NELL1: variants seen among roughly 807,000 people sequenced by gnomAD.
NELL1 encodes the protein protein kinase C-binding protein NELL1.
In NELL1, 76 loss-of-function variants were observed where a neutral mutation model predicts 107.4. That is an observed-to-expected ratio of 0.71 (90% CI 0.59 to 0.86). The LOEUF is 0.86. Among genes scored for constraint, NELL1 ranks in the 40% least tolerant of loss-of-function variants. The probability of loss-of-function intolerance (pLI) is 0.00; values close to 1 mark genes in which losing one functional copy is unlikely to be tolerated. For missense variants in NELL1, 1,024 were observed against 1,005.5 expected (o/e 1.02, Z -0.25); for synonymous variants, 353 against 341.2 (o/e 1.03, Z -0.38).
chr11:21,407,672 A>G (rs1852267891), intron 15 of NELL1, among the ~76,000 whole-genome samples: 2 of 149,058 alleles, frequency 1.3e-5, no homozygotes, highest in African/African-American at 2.5e-5. Context: ...TCAATACCTT[A>G]TCTAGTATCT....
intron 13 of NELL1, among the ~76,000 whole-genome samples, chr11:21,151,369 G>A (rs905321355): frequency 6.6e-6 from 1 of 152,100 alleles, no homozygotes; most frequent in Non-Finnish European, 1.5e-5. Flanking sequence ...GCATCCCAGG[G>A]ACTTCTGATC....
intron 2 of NELL1, among the ~76,000 whole-genome samples, chr11:20,706,342 A>G (rs1235177927): frequency 3.9e-5 from 6 of 152,200 alleles, no homozygotes; most frequent in Admixed American, 3.9e-4. Flanking sequence ...GCAGCCATAA[A>G]AAATGATGAG....
chr11:21,367,261 TACACACACACACAC>T (rs72275889), intron 14 of NELL1, among the ~76,000 whole-genome samples: 71 of 145,236 alleles, frequency 4.9e-4, no homozygotes, highest in African/African-American at 1.2e-3. Flanking sequence ...TTTATCTTAC[TACACACACACACAC>T]ACACACACAC....
chr11:21,443,695 C>A (rs1471939640), intron 15 of NELL1, among the ~76,000 whole-genome samples: 2 of 151,682 alleles, frequency 1.3e-5, no homozygotes, highest in African/African-American at 4.8e-5. Flanking sequence ...CGAGATCAGC[C>A]TGACCACTTG....
At chr11:21,525,080 G>A (rs1407002732) in intron 15 of NELL1, among the ~76,000 whole-genome samples, 1 of 152,174 alleles carries the variant, frequency 6.6e-6, no homozygotes, top group African/African-American at 2.4e-5. Flanking sequence ...CAGAATAAAG[G>A]TGAGAGTTGA....
chr11:20,685,065 T>C (rs1474746869), intron 2 of NELL1, among the ~76,000 whole-genome samples: 1 of 152,014 alleles, frequency 6.6e-6, no homozygotes, highest in Non-Finnish European at 1.5e-5. Context: ...TCTTCTCTTG[T>C]GTATACTGTC....
rs114478871 is a variant in NELL1, at chr11:20,990,117, G to C, written c.1300+29557G>C. Among the ~76,000 whole-genome samples the C allele has an allele frequency of 3.6e-3, 551 of 152,246 alleles. 4 individuals are homozygous for C. The highest frequency in any genetic ancestry group is 0.012 in the African/African-American group (512 of 41,550). On this transcript the variant is annotated intron_variant, in intron 12 of 19. Transcript: ENST00000357134. ...GCTTTGGCCTGAGGGCTTGCAATAT[G>C]GGGGGAGTACAGTTTGGTTTTTCAG...
intron 12 of NELL1, among the ~76,000 whole-genome samples, chr11:21,010,661 A>C (rs1466310993): frequency 6.6e-6 from 1 of 152,154 alleles, no homozygotes; most frequent in Admixed American, 6.6e-5. Context: ...GCCTAGAACT[A>C]TACACCTTAA....
At chr11:21,061,079 G>T (rs1446993326) in intron 12 of NELL1, among the ~76,000 whole-genome samples, 2 of 152,124 alleles carry the variant, frequency 1.3e-5, no homozygotes, top group Non-Finnish European at 2.9e-5. Flanking sequence ...ATATTGCAAA[G>T]CCTAACAACC....
In NELL1 at chr11:21,522,700, A is replaced by T. The variant is rs185000703; in HGVS notation, c.1646-11674A>T. Among the ~76,000 whole-genome samples, 264 of 152,272 alleles carry T rather than the reference A, an allele frequency of 1.7e-3. 2 individuals carry two copies. Among genetic ancestry groups the T allele is most frequent in the African/African-American group, 6.1e-3 (254 of 41,558 alleles). On this transcript the variant is annotated intron_variant, in intron 15 of 19. Transcript: ENST00000357134. ...GGTAACAAAGTTATACTTGTACCCC[A>T]TAAATTTATACAAAGAAAATTTTCA...
intron 15 of NELL1, among the ~76,000 whole-genome samples, chr11:21,517,191 G>C (rs967800157): frequency 3.9e-5 from 6 of 152,074 alleles, no homozygotes; most frequent in African/African-American, 1.4e-4. Flanking sequence ...CTCTCTCATG[G>C]GGACCTCAAC....
intron 15 of NELL1, among the ~76,000 whole-genome samples, chr11:21,428,125 T>C (rs1852875990): frequency 6.6e-6 from 1 of 152,156 alleles, no homozygotes; most frequent in Non-Finnish European, 1.5e-5. Context: ...GTAGGGAATG[T>C]CAATCAGCTG....
intron 14 of NELL1, among the ~76,000 whole-genome samples, chr11:21,307,416 G>T (rs998386889): frequency 2.0e-5 from 3 of 151,616 alleles, no homozygotes; most frequent in African/African-American, 7.3e-5. Context: ...GAAAAAAAGG[G>T]CAATTTCTTC....
At chr11:21,088,958 TAA>T (rs1854461908) in intron 12 of NELL1, among the ~76,000 whole-genome samples, 1 of 152,176 alleles carries the variant, frequency 6.6e-6, no homozygotes, top group Admixed American at 6.5e-5. Flanking sequence ...ATGTGAATTT[TAA>T]GAGAGGCTAG....
At chr11:21,201,204 C>G (rs1436302011) in intron 13 of NELL1, among the ~76,000 whole-genome samples, 1 of 152,160 alleles carries the variant, frequency 6.6e-6, no homozygotes, top group African/African-American at 2.4e-5. Context: ...AGCACTGAAT[C>G]TATAAATTAC....
intron 12 of NELL1, among the ~76,000 whole-genome samples, chr11:21,042,436 A>G (rs534652979): frequency 6.6e-6 from 1 of 152,310 alleles, no homozygotes; most frequent in African/African-American, 2.4e-5. Flanking sequence ...GCAACAGGAC[A>G]AGGGGCTAAG....
At chr11:20,879,827 A>C (rs1254458440) in intron 4 of NELL1, among the ~76,000 whole-genome samples, 1 of 152,230 alleles carries the variant, frequency 6.6e-6, no homozygotes, top group Non-Finnish European at 1.5e-5. Flanking sequence ...AAAGTTTACG[A>C]TTTATGGCCA....
At chr11:21,017,348 T>C (rs1852588964) in intron 12 of NELL1, among the ~76,000 whole-genome samples, 1 of 152,114 alleles carries the variant, frequency 6.6e-6, no homozygotes, top group Non-Finnish European at 1.5e-5. Context: ...CTTAAAACTT[T>C]TAGAGGCTTG....
At chr11:21,506,059 TA>T (rs1215867459) in intron 15 of NELL1, among the ~76,000 whole-genome samples, 1 of 152,188 alleles carries the variant, frequency 6.6e-6, no homozygotes, top group East Asian at 1.9e-4. Context: ...AAAACTGATT[TA>T]AAAAATCATT....
Sources: allele counts gnomAD v4.1 joint callset (sites outside exome capture counted in the v4.1 genomes callset), GRCh38; gene constraint gnomAD v4.1.1; transcripts MANE v1.5; gene names NCBI Gene and HGNC (gene_info 2026-07-23, HGNC 2026-07-21).